HORMAD2: variants seen among roughly 807,000 people sequenced by gnomAD.
HORMAD2 encodes HORMA domain-containing protein 2.
HORMAD2 carries 45 observed loss-of-function variants against 38.8 expected under a neutral mutation model. The observed-to-expected ratio is 1.16, with a 90% CI of 0.91 to 1.49. The LOEUF (loss-of-function observed/expected upper bound fraction) is 1.49, where lower values mean the gene tolerates loss of function less well. Among genes scored for constraint, HORMAD2 ranks in the 40% most tolerant of loss-of-function variants. The pLI is 0.00. For missense variants in HORMAD2, 338 were observed against 367.0 expected (o/e 0.92, Z 0.65); for synonymous variants, 126 against 122.8 (o/e 1.03, Z -0.17).
intron 1 of HORMAD2, among the ~76,000 whole-genome samples, chr22:30,085,258 G>T (rs1401115589): frequency 6.6e-6 from 1 of 152,156 alleles, no homozygotes; most frequent in Admixed American, 6.6e-5. Flanking sequence ...TAGGTTAGTG[G>T]TTTCCAGCGG....
At chr22:30,195,893 G>A in the HORMAD2 span, among the ~76,000 whole-genome samples, 527 of 152,332 alleles carry the variant, frequency 3.5e-3, 2 homozygotes, top group African/African-American at 0.012. Flanking sequence ...ACTCATGGCC[G>A]AAGGGGGTGG....
At chr22:30,099,229 G>A (rs546067605) in intron 3 of HORMAD2, among the ~76,000 whole-genome samples, 2 of 152,148 alleles carry the variant, frequency 1.3e-5, no homozygotes, top group South Asian at 4.1e-4. Flanking sequence ...AGAAATGTTT[G>A]GACAAGTCCA....
intron 2 of HORMAD2, among the ~76,000 whole-genome samples, chr22:30,094,906 T>G (rs1391920564): frequency 1.3e-5 from 2 of 152,178 alleles, no homozygotes; most frequent in Non-Finnish European, 1.5e-5. Flanking sequence ...TTGCACTGTC[T>G]TTTCCTATAA....
At chr22:30,192,780 A>G in the HORMAD2 span, among the ~76,000 whole-genome samples, 3 of 152,154 alleles carry the variant, frequency 2.0e-5, no homozygotes, top group Admixed American at 2.0e-4. Flanking sequence ...GGTATCTGAC[A>G]TAGGCTCTGT....
intron 10 of HORMAD2, among the ~76,000 whole-genome samples, chr22:30,132,162 G>A (rs1262481444): frequency 6.6e-6 from 1 of 152,178 alleles, no homozygotes; most frequent in South Asian, 2.1e-4. Context: ...ATCTCCTGAA[G>A]CATATATGCC....
chr22:30,122,284 AGG>A, intron 10 of HORMAD2, 70 bp downstream of exon 10: 1 of 1,449,032 alleles, frequency 6.9e-7, no homozygotes, highest in Non-Finnish European at 9.3e-7. Context: ...GTTTCTACCC[AGG>A]GCATGCACGT....
At chr22:30,205,487 GT>G in the HORMAD2 span, among the ~76,000 whole-genome samples, 1 of 152,122 alleles carries the variant, frequency 6.6e-6, no homozygotes, top group Admixed American at 6.5e-5. Flanking sequence ...CCAAGGTCAC[GT>G]TGTGTCCCAT....
intron 10 of HORMAD2, chr22:30,137,307 A>G: frequency 3.8e-6 from 2 of 521,588 alleles, no homozygotes; most frequent in Admixed American, 4.3e-5. Context: ...TGATTCCTTG[A>G]GTCCTGGCGA....
the HORMAD2 span, among the ~76,000 whole-genome samples, chr22:30,204,565 G>A: frequency 6.6e-6 from 1 of 152,088 alleles, no homozygotes; most frequent in Non-Finnish European, 1.5e-5. Flanking sequence ...TGAAACTCTA[G>A]GCCTTTCATG....
the HORMAD2 span, among the ~76,000 whole-genome samples, chr22:30,193,998 T>G: frequency 6.6e-6 from 1 of 152,198 alleles, no homozygotes; most frequent in East Asian, 1.9e-4. Flanking sequence ...AGAAGGGGCC[T>G]TGGTCACTGA....
chr22:30,115,691 C>CAATA (rs1921986628), intron 7 of HORMAD2, among the ~76,000 whole-genome samples: 4 of 152,108 alleles, frequency 2.6e-5, no homozygotes, highest in South Asian at 4.2e-4. Context: ...GTAGGATAAA[C>CAATA]AATAAATAAA....
the HORMAD2 span, among the ~76,000 whole-genome samples, chr22:30,201,696 G>A: frequency 2.0e-5 from 3 of 152,108 alleles, no homozygotes; most frequent in South Asian, 2.1e-4. Flanking sequence ...GATTACAGGC[G>A]TGAGCCACCG....
rs937505937 is a variant in HORMAD2 at position 30,128,642 on chromosome 22, T to C, written c.819+6428T>C. Among the ~76,000 whole-genome samples the C allele has an allele frequency of 8.5e-5, 13 of 152,280 alleles. No homozygotes were observed. In the East Asian group the frequency reaches 2.3e-3, roughly 27 times the overall value. Reference sequence around the variant, plus strand: ...ATTTGTATGGCTCTCAAATGAGTAGTACCAAATCATTTTCCAGAAGCTGCC... The same window carrying C: ...ATTTGTATGGCTCTCAAATGAGTAGCACCAAATCATTTTCCAGAAGCTGCC... On this transcript the variant is annotated intron_variant, in intron 10 of 10. Transcript: ENST00000336726.
At chr22:30,084,906 G>A (rs1291448145) in intron 1 of HORMAD2, among the ~76,000 whole-genome samples, 5 of 152,138 alleles carry the variant, frequency 3.3e-5, no homozygotes, top group Non-Finnish European at 7.3e-5. Context: ...AGCAATTTGG[G>A]AGGCCGAGGC....
At chr22:30,141,917 A>G (rs1471204354) in intron 10 of HORMAD2, among the ~76,000 whole-genome samples, 1 of 151,992 alleles carries the variant, frequency 6.6e-6, no homozygotes, top group Non-Finnish European at 1.5e-5. Flanking sequence ...TATTATTTCT[A>G]TCCTTTTACA....
At chr22:30,204,570 T>C in the HORMAD2 span, among the ~76,000 whole-genome samples, 1 of 152,126 alleles carries the variant, frequency 6.6e-6, no homozygotes, top group Non-Finnish European at 1.5e-5. Flanking sequence ...CTCTAGGCCT[T>C]TCATGTGGTT....
rs35003620 is a variant in HORMAD2 at position 30,141,595 on chromosome 22, CTT to C, written c.819+19397_819+19398del. Among the ~76,000 whole-genome samples the C allele has an allele frequency of 4.9e-3, 666 of 134,814 alleles. 1 individual carries two copies. The highest frequency in any genetic ancestry group is 7.3e-3 in the Non-Finnish European group (457 of 62,290). The allele number at this position is 134,814 out of a possible 152,430, so 88.4% of individuals were successfully genotyped here. On this transcript the variant is annotated intron_variant, in intron 10 of 10. Coordinates refer to ENST00000336726, the MANE Select transcript of HORMAD2 (RefSeq NM_152510.4). Reference sequence around the variant, plus strand: ...CATTCCAGTGAGGTCAGAGAACATACTTTTTTTTTTTTTTTTTGAGACGGAGT... The same window carrying C: ...CATTCCAGTGAGGTCAGAGAACATACTTTTTTTTTTTTTTTGAGACGGAGT...
At chr22:30,172,797 A>G (rs750045861) in intron 10 of HORMAD2, among the ~76,000 whole-genome samples, 1 of 151,990 alleles carries the variant, frequency 6.6e-6, no homozygotes, top group Non-Finnish European at 1.5e-5. Flanking sequence ...CTGAGGCATG[A>G]GAATTGCTTG....
intron 10 of HORMAD2, among the ~76,000 whole-genome samples, chr22:30,153,642 T>C (rs1265530770): frequency 6.6e-6 from 1 of 152,256 alleles, no homozygotes; most frequent in Non-Finnish European, 1.5e-5. Flanking sequence ...CCCTGCTTTC[T>C]GTTCTCTTTA....
Sources: allele counts gnomAD v4.1 joint callset (sites outside exome capture counted in the v4.1 genomes callset), GRCh38; gene constraint gnomAD v4.1.1; transcripts MANE v1.5; gene names NCBI Gene and HGNC (gene_info 2026-07-23, HGNC 2026-07-21).